The following EEF2K variants were observed in gnomAD, a reference collection of about 807,000 sequenced individuals.
EEF2K encodes the protein eukaryotic elongation factor 2 kinase.
A neutral mutation model predicts 93.8 loss-of-function variants in EEF2K; 70 were observed. The ratio of observed to expected loss-of-function variants is 0.75; its 90% CI spans 0.62 to 0.91. The LOEUF (loss-of-function observed/expected upper bound fraction) is 0.91. Among genes scored for constraint, EEF2K ranks in the 40% least tolerant of loss-of-function variants. The pLI, the probability that EEF2K is intolerant of heterozygous loss-of-function variation, is 0.00. For missense variants in EEF2K, 935 were observed against 972.9 expected, an observed-to-expected ratio of 0.96 and a Z score of 0.52; for synonymous variants, 376 against 380.8, an observed-to-expected ratio of 0.99 and a Z score of 0.15.
At chr16:22,237,462 A>T (rs2047178717) in intron 2 of EEF2K, among the ~76,000 whole-genome samples, 1 of 151,434 alleles carries the variant, frequency 6.6e-6, no homozygotes, top group Non-Finnish European at 1.5e-5. Context: ...ACATGGTGAA[A>T]CTCTGTCTCT....
intron 15 of EEF2K, among the ~76,000 whole-genome samples, chr16:22,271,426 C>T (rs2047580548): frequency 6.6e-6 from 1 of 152,092 alleles, no homozygotes; most frequent in Non-Finnish European, 1.5e-5. Flanking sequence ...TGGTGGCTCA[C>T]ACCTGTAACC....
chr16:22,265,127 A>C, intron 13 of EEF2K: 1 of 453,648 alleles, frequency 2.2e-6, no homozygotes, highest in South Asian at 3.0e-5. Context: ...AAATCACCAC[A>C]GGGACAGCTC....
chr16:22,237,250 C>A (rs2047177353), intron 2 of EEF2K, among the ~76,000 whole-genome samples: 1 of 151,818 alleles, frequency 6.6e-6, no homozygotes, highest in African/African-American at 2.4e-5. Context: ...CGGCCCATAG[C>A]CCTCTGTTCT....
At chr16:22,275,231 G>A (rs1343630643) in intron 16 of EEF2K, among the ~76,000 whole-genome samples, 6 of 152,016 alleles carry the variant, frequency 3.9e-5, no homozygotes, top group Non-Finnish European at 7.4e-5. Context: ...ATTTCCATTT[G>A]AGGTGATAAG....
chr16:22,273,804 C>T lies in EEF2K; in HGVS notation c.1889+54C>T, dbSNP rs147137671. The T allele has an allele frequency of 5.6e-4, 888 of 1,597,438 alleles. 2 individuals are homozygous for T. The highest frequency in any genetic ancestry group is 2.1e-3 in the South Asian group (188 of 89,534). ...GGTAGGAACCTGGGCTGCAGGTGGG[C>T]GCTTGTCCTCGGTATCAGCACAGGC... is the stretch of plus-strand genomic sequence containing the variant. On this transcript the variant is annotated intron_variant, in intron 16 of 17. Transcript: ENST00000263026.
intron 1 of EEF2K, among the ~76,000 whole-genome samples, chr16:22,218,509 G>T (rs1260765166): frequency 6.6e-6 from 1 of 152,194 alleles, no homozygotes; most frequent in Non-Finnish European, 1.5e-5. Context: ...CTTGACCTGA[G>T]CATTGCAGGC....
At chr16:22,248,631 C>T in intron 3 of EEF2K, 124 bp from the exon 4 acceptor site, 1 of 1,179,046 alleles carries the variant, frequency 8.5e-7, no homozygotes, top group South Asian at 1.4e-5. Flanking sequence ...GGGCTATGGG[C>T]CAAGGTGGAG....
At chr16:22,283,644 C>A (rs2047720451) in intron 17 of EEF2K, among the ~76,000 whole-genome samples, 2 of 152,174 alleles carry the variant, frequency 1.3e-5, no homozygotes, top group Non-Finnish European at 2.9e-5. Flanking sequence ...TTGGCCATGA[C>A]TAAATCTGGA....
intron 1 of EEF2K, among the ~76,000 whole-genome samples, chr16:22,213,570 T>G (rs1202312825): frequency 6.6e-6 from 1 of 152,216 alleles, no homozygotes; most frequent in East Asian, 1.9e-4. Context: ...TGTAACAAAT[T>G]GCTGCAATTA....
At chr16:22,237,236 C>CA (rs1567269403) in intron 2 of EEF2K, among the ~76,000 whole-genome samples, 1 of 151,902 alleles carries the variant, frequency 6.6e-6, no homozygotes, top group Non-Finnish European at 1.5e-5. Context: ...TGAGCCACCA[C>CA]ACCCGGCCCA....
intron 1 of EEF2K, among the ~76,000 whole-genome samples, chr16:22,216,974 A>G (rs1455169670): frequency 6.6e-6 from 1 of 151,820 alleles, no homozygotes; most frequent in Non-Finnish European, 1.5e-5. Context: ...CCAGCTGGGC[A>G]CATGGTGAAA....
intron 16 of EEF2K, among the ~76,000 whole-genome samples, chr16:22,278,735 G>A (rs962732768): frequency 1.1e-4 from 17 of 152,054 alleles, no homozygotes; most frequent in Admixed American, 9.8e-4. Flanking sequence ...TTACTCACAC[G>A]GATTACACCC....
chr16:22,267,696 A>G (rs2047538824), intron 15 of EEF2K, among the ~76,000 whole-genome samples: 2 of 152,230 alleles, frequency 1.3e-5, no homozygotes, highest in African/African-American at 2.4e-5. Context: ...GGTAGAAGGA[A>G]CAGCATGTGC....
At chr16:22,265,947 C>G (rs2047513466) in intron 13 of EEF2K, among the ~76,000 whole-genome samples, 1 of 152,066 alleles carries the variant, frequency 6.6e-6, no homozygotes, top group African/African-American at 2.4e-5. Context: ...GAGTGAGACC[C>G]CCACCCCCAA....
intron 2 of EEF2K, among the ~76,000 whole-genome samples, chr16:22,234,877 C>CTTTTTTTTT (rs1173052779): frequency 3.3e-5 from 3 of 90,628 alleles, no homozygotes; most frequent in African/African-American, 4.4e-5. Context: ...TTTTTTGTTG[C>CTTTTTTTTT]TTTTTTTTTT....
At chr16:22,234,521 C>T (rs1051406046) in intron 2 of EEF2K, among the ~76,000 whole-genome samples, 3 of 150,950 alleles carry the variant, frequency 2.0e-5, no homozygotes, top group African/African-American at 7.3e-5. Flanking sequence ...CGCACCACTG[C>T]ACTCCAGCCT....
chr16:22,284,145 G>C lies in EEF2K; in HGVS notation c.*149G>C. The C allele has an allele frequency of 1.3e-6, 1 of 747,054 alleles. No individual in the cohort carries two copies. Among genetic ancestry groups the C allele is most frequent in the Non-Finnish European group, 2.2e-6 (1 of 456,410 alleles). The allele number at this position is 747,054 out of a possible 1,614,324, so 46.3% of individuals were successfully genotyped here. On this transcript the variant is annotated 3_prime_UTR_variant, in exon 18 of 18. Transcript: ENST00000263026. ...TTTTATATTTCATTTTTTGACTCTTGAAAAATGTCTTTGCTCCTTGGCAGC... is the reference window on the plus strand; with the variant it reads ...TTTTATATTTCATTTTTTGACTCTTCAAAAATGTCTTTGCTCCTTGGCAGC...
chr16:22,226,059 C>T, intron 2 of EEF2K, 84 bp downstream of exon 2: 1 of 1,560,122 alleles, frequency 6.4e-7, no homozygotes, highest in Admixed American at 1.8e-5. Context: ...TTGGGGACTT[C>T]TTCGTATTTC....
At chr16:22,269,115 G>T (rs1298657840) in intron 15 of EEF2K, among the ~76,000 whole-genome samples, 3 of 152,084 alleles carry the variant, frequency 2.0e-5, no homozygotes, top group African/African-American at 7.2e-5. Flanking sequence ...AAACCAGTTG[G>T]CTTATAACAA....
Sources: allele counts gnomAD v4.1 joint callset (sites outside exome capture counted in the v4.1 genomes callset), GRCh38; gene constraint gnomAD v4.1.1; transcripts MANE v1.5; gene names NCBI Gene and HGNC (gene_info 2026-07-23, HGNC 2026-07-21).